The following CACNA2D3 variants were observed in gnomAD, a reference collection of about 807,000 sequenced individuals.
The protein encoded by CACNA2D3 is calcium voltage-gated channel auxiliary subunit alpha2delta 3, also known as voltage-dependent calcium channel subunit alpha-2/delta-3.
A neutral mutation model predicts 160.6 loss-of-function variants in CACNA2D3; 60 were observed. That is an observed-to-expected ratio of 0.37 (90% CI 0.30 to 0.46). CACNA2D3 has a LOEUF of 0.46. Among genes scored for constraint, CACNA2D3 ranks in the 20% least tolerant of loss-of-function variants. The probability of loss-of-function intolerance (pLI) is 1.00; values close to 1 mark genes in which losing one functional copy is unlikely to be tolerated. For synonymous variants in CACNA2D3, 558 were observed against 492.9 expected (o/e 1.13, Z -1.75); for missense variants, 1,205 against 1,365.0 (o/e 0.88, Z 1.85).
chr3:54,166,517 T>C (rs974303101), intron 2 of CACNA2D3, among the ~76,000 whole-genome samples: 1 of 152,184 alleles, frequency 6.6e-6, no homozygotes, highest in Admixed American at 6.5e-5. Context: ...TGTTGCCCCC[T>C]TTTTGTTTTT....
intron 11 of CACNA2D3, among the ~76,000 whole-genome samples, chr3:54,686,761 T>G: frequency 6.6e-6 from 1 of 152,164 alleles, no homozygotes; most frequent in Non-Finnish European, 1.5e-5. Context: ...TGAAGATGGC[T>G]TTTTGGCAAT....
At chr3:54,642,101 C>T (rs373036674) in intron 10 of CACNA2D3, 27 bp from the exon 11 acceptor site, 13 of 1,444,030 alleles carry the variant, frequency 9.0e-6, no homozygotes, top group Non-Finnish European at 1.3e-5. Context: ...GATATGTATA[C>T]TATTTTGAAC....
intron 4 of CACNA2D3, among the ~76,000 whole-genome samples, chr3:54,439,848 T>A (rs6414575): frequency 6.6e-6 from 1 of 152,184 alleles, no homozygotes. Context: ...TCTGCCCTCT[T>A]TCCCCCTCCC....
chr3:54,901,980 G>C (rs977391068), intron 27 of CACNA2D3, among the ~76,000 whole-genome samples: 3 of 152,166 alleles, frequency 2.0e-5, no homozygotes, highest in African/African-American at 7.2e-5. Flanking sequence ...AGTAGACACT[G>C]TTTACCACTC....
chr3:54,960,542 T>C (rs773377627), intron 27 of CACNA2D3, among the ~76,000 whole-genome samples: 1 of 152,224 alleles, frequency 6.6e-6, no homozygotes, highest in Non-Finnish European at 1.5e-5. Context: ...GTTCAGGCTT[T>C]ACCAAGATTA....
At chr3:54,207,867 C>G (rs1227616134) in intron 2 of CACNA2D3, among the ~76,000 whole-genome samples, 1 of 152,090 alleles carries the variant, frequency 6.6e-6, no homozygotes, top group Non-Finnish European at 1.5e-5. Context: ...CTCGGTGCAT[C>G]TATTCTCATG....
In CACNA2D3 at chr3:54,515,199, T is replaced by TGTGA. The variant is rs1553706902; in HGVS notation, c.544+11546_544+11547insTGAG. Reference sequence around the variant, plus strand: ...CTGTGTGTGTGTGTGTGTGTGTGTGTGAGAGAGAGAGAGAGAGAGAGAAAG... The same window carrying TGTGA: ...CTGTGTGTGTGTGTGTGTGTGTGTGTGTGAGAGAGAGAGAGAGAGAGAGAGAAAG... On this transcript the variant is annotated intron_variant, in intron 5 of 37. Transcript: ENST00000474759. Among the ~76,000 whole-genome samples the TGTGA allele has an allele frequency of 7.8e-3, 1,114 of 143,668 alleles. 5 individuals carry two copies. The highest frequency in any genetic ancestry group is 0.026 in the East Asian group (119 of 4,618). The allele number at this position is 143,668 out of a possible 152,430, so 94.3% of individuals were successfully genotyped here.
intron 12 of CACNA2D3, among the ~76,000 whole-genome samples, chr3:54,761,301 T>G (rs769129445): frequency 6.6e-6 from 1 of 152,188 alleles, no homozygotes; most frequent in Non-Finnish European, 1.5e-5. Context: ...CCCTGTATCC[T>G]TAAGGTCTGG....
intron 14 of CACNA2D3, among the ~76,000 whole-genome samples, chr3:54,832,179 C>T (rs1224967326): frequency 1.3e-5 from 2 of 152,140 alleles, no homozygotes; most frequent in African/African-American, 2.4e-5. Flanking sequence ...TAGTCTTTCC[C>T]ATTTGCTCCT....
chr3:54,624,501 A>G (rs111681169), intron 9 of CACNA2D3, among the ~76,000 whole-genome samples: 2,105 of 152,278 alleles, frequency 0.014, 57 homozygotes, highest in African/African-American at 0.048. Context: ...GGGCGCCTGT[A>G]GTCCCAGCTA....
chr3:54,579,872 T>C (rs1702645173), intron 8 of CACNA2D3, among the ~76,000 whole-genome samples: 1 of 152,232 alleles, frequency 6.6e-6, no homozygotes, highest in Non-Finnish European at 1.5e-5. Context: ...TTTTTCTCCA[T>C]GCCTTGTTAG....
intron 9 of CACNA2D3, among the ~76,000 whole-genome samples, chr3:54,606,241 G>C (rs1575377214): frequency 6.6e-6 from 1 of 152,108 alleles, no homozygotes; most frequent in East Asian, 1.9e-4. Flanking sequence ...GGGCTGGAGA[G>C]CAGCCTTTCT....
intron 13 of CACNA2D3, among the ~76,000 whole-genome samples, chr3:54,779,972 A>G (rs1481037269): frequency 1.3e-5 from 2 of 152,182 alleles, no homozygotes; most frequent in Non-Finnish European, 2.9e-5. Flanking sequence ...AGTACCCAGG[A>G]TGAATTCAGA....
rs542131078 is a variant in CACNA2D3 at position 54,462,216 on chromosome 3, A to C, written c.382-41276A>C. Among the ~76,000 whole-genome samples, 613 of 152,284 alleles carry C rather than the reference A, an allele frequency of 4.0e-3. 3 individuals are homozygous for C. Among genetic ancestry groups the C allele is most frequent in the Middle Eastern group, 0.014 (4 of 294 alleles). ...TTCCCAGTATGTGGTCCATTTTGGA[A>C]TAGGTGTGGTGTGGTGCTGAAAAAA... On this transcript the variant is annotated intron_variant, in intron 4 of 37. Coordinates refer to ENST00000474759, the MANE Select transcript of CACNA2D3 (RefSeq NM_018398.3).
At chr3:54,656,191 C>G (rs924483980) in intron 11 of CACNA2D3, among the ~76,000 whole-genome samples, 3 of 152,240 alleles carry the variant, frequency 2.0e-5, no homozygotes, top group Non-Finnish European at 2.9e-5. Context: ...AGGATACAGA[C>G]TTGGCATGGT....
At chr3:54,531,411 T>G (rs867553584) in intron 5 of CACNA2D3, among the ~76,000 whole-genome samples, 1 of 152,324 alleles carries the variant, frequency 6.6e-6, no homozygotes, top group Middle Eastern at 3.4e-3. Flanking sequence ...AAAACCCACT[T>G]AATCAAAAAA....
At chr3:54,832,011 TCACACACACA>T (rs60020847) in intron 14 of CACNA2D3, among the ~76,000 whole-genome samples, 1,900 of 118,948 alleles carry the variant, frequency 0.016, 94 homozygotes, top group African/African-American at 0.055. Flanking sequence ...CTCTTCTCTG[TCACACACACA>T]CACACACACA....
chr3:54,803,617 T>A (rs537960038), intron 13 of CACNA2D3, among the ~76,000 whole-genome samples: 2 of 152,120 alleles, frequency 1.3e-5, no homozygotes, highest in South Asian at 2.1e-4. Context: ...TGGAACCAAG[T>A]TGGAAAACAC....
At chr3:54,720,984 C>G (rs973198023) in intron 11 of CACNA2D3, among the ~76,000 whole-genome samples, 7 of 152,132 alleles carry the variant, frequency 4.6e-5, no homozygotes, top group African/African-American at 1.7e-4. Flanking sequence ...TTTTTCTTAT[C>G]TATGTTTCTA....
Sources: allele counts gnomAD v4.1 joint callset (sites outside exome capture counted in the v4.1 genomes callset), GRCh38; gene constraint gnomAD v4.1.1; transcripts MANE v1.5; gene names NCBI Gene and HGNC (gene_info 2026-07-23, HGNC 2026-07-21).